Variants in NCKAP5 observed in about 807,000 individuals in gnomAD.
NCKAP5 encodes NCK associated protein 5.
Under a neutral mutation model 167.0 loss-of-function variants are expected in NCKAP5, and 92 were observed. The ratio of observed to expected loss-of-function variants is 0.55; its 90% CI spans 0.47 to 0.66. The LOEUF is 0.66. Among genes scored for constraint, NCKAP5 ranks in the 30% least tolerant of loss-of-function variants. The probability of loss-of-function intolerance (pLI) is 0.00; values close to 1 mark genes in which losing one functional copy is unlikely to be tolerated. For missense variants in NCKAP5, 2,378 were observed against 2,315.0 expected (o/e 1.03, Z -0.56); for synonymous variants, 891 against 877.4 (o/e 1.02, Z -0.27).
intron 3 of NCKAP5, among the ~76,000 whole-genome samples, chr2:133,367,645 TTAGA>T (rs1285529739): frequency 1.3e-5 from 2 of 152,096 alleles, no homozygotes; most frequent in African/African-American, 4.8e-5. Context: ...TTTGTATTTG[TTAGA>T]TAGTTAATAT....
At chr2:133,469,707 T>C (rs1233085664) in intron 3 of NCKAP5, among the ~76,000 whole-genome samples, 1 of 151,922 alleles carries the variant, frequency 6.6e-6, no homozygotes, top group Non-Finnish European at 1.5e-5. Flanking sequence ...GCTTTGCTCA[T>C]TTCTTTTTAT....
At chr2:133,187,075 T>C (rs1375799998) in intron 5 of NCKAP5, among the ~76,000 whole-genome samples, 1 of 152,084 alleles carries the variant, frequency 6.6e-6, no homozygotes, top group Non-Finnish European at 1.5e-5. Flanking sequence ...TCTAACTTCT[T>C]GATGAAGGTG....
chr2:133,093,709 T>C (rs1015433675), intron 6 of NCKAP5, among the ~76,000 whole-genome samples: 3 of 152,228 alleles, frequency 2.0e-5, no homozygotes, highest in African/African-American at 7.2e-5. Context: ...ACAGGACACA[T>C]ACCAATTACT....
intron 8 of NCKAP5, among the ~76,000 whole-genome samples, chr2:132,962,107 C>T (rs1381593260): frequency 6.6e-6 from 1 of 152,198 alleles, no homozygotes; most frequent in Non-Finnish European, 1.5e-5. Flanking sequence ...AAGCTACTTG[C>T]TTACCTGTCT....
At chr2:133,385,259 G>T (rs181182781) in intron 3 of NCKAP5, among the ~76,000 whole-genome samples, 118 of 152,246 alleles carry the variant, frequency 7.8e-4, no homozygotes, top group Non-Finnish European at 1.6e-3. Context: ...AGCATGAAGG[G>T]TTGTTGAATT....
chr2:132,827,355 C>T (rs534304634), intron 11 of NCKAP5, among the ~76,000 whole-genome samples: 1 of 152,112 alleles, frequency 6.6e-6, no homozygotes, highest in East Asian at 1.9e-4. Context: ...ATTTGTAGAT[C>T]CTTTTTGGAG....
intron 8 of NCKAP5, among the ~76,000 whole-genome samples, chr2:132,958,853 T>A (rs2076418293): frequency 6.6e-6 from 1 of 152,056 alleles, no homozygotes. Context: ...ACATTCTCTC[T>A]GCTACTACCT....
intron 3 of NCKAP5, among the ~76,000 whole-genome samples, chr2:133,374,563 C>T (rs905092295): frequency 1.3e-5 from 2 of 149,636 alleles, no homozygotes; most frequent in Non-Finnish European, 3.0e-5. Context: ...GGGTGAAGTG[C>T]GTGTGTAGGG....
At chr2:132,970,959 C>T (rs181297091) in intron 7 of NCKAP5, among the ~76,000 whole-genome samples, 1 of 152,272 alleles carries the variant, frequency 6.6e-6, no homozygotes, top group East Asian at 1.9e-4. Flanking sequence ...CATTCCAGGA[C>T]ACAGGAGGAC....
chr2:133,097,725 C>T (rs2081386600), intron 6 of NCKAP5, among the ~76,000 whole-genome samples: 1 of 152,280 alleles, frequency 6.6e-6, no homozygotes, highest in African/African-American at 2.4e-5. Context: ...CCACATGTGT[C>T]TGATCCCACA....
chr2:132,969,846 C>G (rs1320001626), intron 7 of NCKAP5, among the ~76,000 whole-genome samples: 1 of 152,210 alleles, frequency 6.6e-6, no homozygotes, highest in Non-Finnish European at 1.5e-5. Context: ...TGCCTGTGCT[C>G]TACATGACAA....
intron 8 of NCKAP5, among the ~76,000 whole-genome samples, chr2:132,881,430 C>T (rs1180151239): frequency 6.6e-6 from 1 of 152,126 alleles, no homozygotes; most frequent in Non-Finnish European, 1.5e-5. Context: ...CCGCCTCGGC[C>T]TCCCAAAGTG....
intron 19 of NCKAP5, 113 bp from the exon 20 acceptor site, chr2:132,673,418 C>T (rs2104955430): frequency 1.2e-6 from 1 of 826,382 alleles, no homozygotes; most frequent in Non-Finnish European, 1.7e-6. Context: ...ACAGAGAAAA[C>T]CTACAAGTCT....
chr2:133,371,419 G>A (rs1574821269), intron 3 of NCKAP5, among the ~76,000 whole-genome samples: 1 of 152,184 alleles, frequency 6.6e-6, no homozygotes, highest in Middle Eastern at 3.2e-3. Flanking sequence ...TCCATGAAAA[G>A]GAATGCCATG....
chr2:133,123,725 G>A (rs1010259065), intron 6 of NCKAP5: 1 of 469,886 alleles, frequency 2.1e-6, no homozygotes, highest in Non-Finnish European at 4.4e-6. Context: ...TGCAGAAGAG[G>A]AGAAGAGCTC....
chr2:132,988,424 T>C (rs1229211319), intron 7 of NCKAP5, among the ~76,000 whole-genome samples: 3 of 134,958 alleles, frequency 2.2e-5, no homozygotes, highest in Non-Finnish European at 4.5e-5. Flanking sequence ...ATGGTGCCAC[T>C]GCACTACAGT....
chr2:133,063,335 G>C (rs2149523407), intron 6 of NCKAP5, among the ~76,000 whole-genome samples: 1 of 152,250 alleles, frequency 6.6e-6, no homozygotes, highest in Non-Finnish European at 1.5e-5. Context: ...TATTAAGCTG[G>C]CATTGACAGG....
chr2:133,025,161 C>G (rs1184628604), intron 6 of NCKAP5, among the ~76,000 whole-genome samples: 3 of 152,178 alleles, frequency 2.0e-5, no homozygotes, highest in African/African-American at 7.2e-5. Flanking sequence ...ATTCCTCCTA[C>G]TATCTTTTGT....
chr2:132,709,239 C>T (rs1688637078), intron 19 of NCKAP5, among the ~76,000 whole-genome samples: 1 of 151,440 alleles, frequency 6.6e-6, no homozygotes, highest in African/African-American at 2.4e-5. Flanking sequence ...ATAAAAAAGA[C>T]AGAAGATAGA....
Sources: gnomAD v4.1 joint callset for allele counts (sites outside exome capture counted in the v4.1 genomes callset) on GRCh38, gnomAD v4.1.1 for gene constraint, MANE v1.5 for transcripts, NCBI Gene and HGNC (gene_info 2026-07-23, HGNC 2026-07-21) for gene names.